LPGAT1: variants seen among roughly 807,000 people sequenced by gnomAD.
LPGAT1 encodes the protein acyl-CoA:lysophosphatidylglycerol acyltransferase 1.
LPGAT1 carries 11 observed loss-of-function variants against 47.5 expected under a neutral mutation model. The observed-to-expected ratio is 0.23, with a 90% CI of 0.15 to 0.38. LPGAT1 has a LOEUF of 0.38. Ranked by LOEUF, LPGAT1 falls within the 10% of genes least tolerant of loss-of-function variation. The pLI is 1.00. For missense variants in LPGAT1, 293 were observed against 439.0 expected (o/e 0.67, Z 2.97); for synonymous variants, 138 against 144.2 (o/e 0.96, Z 0.31).
chr1:211,778,881 G>C (rs761908898), intron 6 of LPGAT1, 37 bp downstream of exon 6: 4 of 1,474,296 alleles, frequency 2.7e-6, no homozygotes, highest in Non-Finnish European at 3.6e-6. Context: ...AGGTAGTATT[G>C]TTGGATATAT....
At chr1:211,757,591 T>G (rs1657517052) in intron 6 of LPGAT1, among the ~76,000 whole-genome samples, 1 of 152,190 alleles carries the variant, frequency 6.6e-6, no homozygotes, top group African/African-American at 2.4e-5. Context: ...GCAGGTGTCA[T>G]GGGTTTAGCA....
intron 2 of LPGAT1, among the ~76,000 whole-genome samples, chr1:211,806,063 C>G (rs1659745707): frequency 6.6e-6 from 1 of 151,992 alleles, no homozygotes; most frequent in African/African-American, 2.4e-5. Flanking sequence ...AGTTCGAGAC[C>G]AGCCTGGCCA....
chr1:211,814,146 T>C (rs193168175), intron 2 of LPGAT1, among the ~76,000 whole-genome samples: 1 of 152,332 alleles, frequency 6.6e-6, no homozygotes, highest in East Asian at 1.9e-4. Flanking sequence ...CATTAGCACA[T>C]ATTTACAAGA....
rs1474558907 is a variant in LPGAT1, at chr1:211,829,282, C to T, written c.15G>A (p.Leu5=). 6.2e-7 allele frequency: 1 copy of T among 1,614,158 alleles called. No homozygotes were observed. The highest frequency in any genetic ancestry group is 8.5e-7 in the Non-Finnish European group (1 of 1,180,028). The change falls in exon 2 of 8, where the codon TTG becomes TTA. Residue 5 remains leucine (L), a synonymous_variant. Transcript: ENST00000366997. ...GCCAGCCCAGCCACGGAGCTTCTTC[C>T]AAAGTTATAGCCATTCTCACACTGG... MAIT[L]EEAPWLGWLL...
At position 211,744,454 on chromosome 1, in the gene LPGAT1, T is replaced by G. The variant is rs1656862656; in HGVS notation, c.*5445A>C. 1 of 152,174 alleles carries G rather than the reference T, an allele frequency of 6.6e-6. No homozygotes were observed. The highest frequency in any genetic ancestry group is 1.5e-5 in the Non-Finnish European group (1 of 68,018). 9.4% of individuals were successfully genotyped at this position (152,174 alleles called of 1,614,324 possible). On this transcript the variant is annotated 3_prime_UTR_variant, in exon 8 of 8. Transcript: ENST00000366997. ...CGTATCAGATTGAATGATAATAAAT[T>G]TATTGGGAAATGAGTTAGATTTGGA...
At chr1:211,800,545 C>A (rs1371705492) in intron 2 of LPGAT1, among the ~76,000 whole-genome samples, 1 of 152,148 alleles carries the variant, frequency 6.6e-6, no homozygotes, top group African/African-American at 2.4e-5. Flanking sequence ...CTTTCACTGT[C>A]ATTAAGATTT....
At chr1:211,756,888 T>TTC (rs1657483367) in intron 6 of LPGAT1, among the ~76,000 whole-genome samples, 1 of 151,062 alleles carries the variant, frequency 6.6e-6, no homozygotes, top group African/African-American at 2.4e-5. Flanking sequence ...TTTTTTTTTT[T>TTC]CCACACATGG....
chr1:211,797,311 CTTTTTTTT>C lies in LPGAT1; in HGVS notation c.239-4129_239-4122del, dbSNP rs200601647. On this transcript the variant is annotated intron_variant, in intron 2 of 7. Coordinates refer to ENST00000366997, the MANE Select transcript of LPGAT1 (RefSeq NM_014873.3). ...CCTAGATCAACTTTTCTTTCCTTTTCTTTTTTTTTTTTTTTTTTTGAGTCAGGAACTCC... is the reference window on the plus strand; with the variant it reads ...CCTAGATCAACTTTTCTTTCCTTTTCTTTTTTTTTTTGAGTCAGGAACTCC... Among the ~76,000 whole-genome samples the C allele has an allele frequency of 3.3e-5, 4 of 122,634 alleles. No individual in the cohort carries two copies. The South Asian group carries it at 1.1e-3, about 32-fold the overall frequency. 80.5% of individuals were successfully genotyped at this position (122,634 alleles called of 152,430 possible). A position where few individuals can be genotyped will look rare whatever the true frequency, so the allele number is the denominator to read the frequency against.
At chr1:211,793,250 C>T (rs1367010377) in intron 2 of LPGAT1, 60 bp from the exon 3 acceptor site, 11 of 1,069,966 alleles carry the variant, frequency 1.0e-5, no homozygotes, top group Non-Finnish European at 1.1e-5. Context: ...TATCACAAAC[C>T]TTATATTAGA....
At chr1:211,769,325 C>T (rs765051874) in intron 6 of LPGAT1, among the ~76,000 whole-genome samples, 6 of 152,102 alleles carry the variant, frequency 3.9e-5, no homozygotes, top group African/African-American at 9.7e-5. Context: ...GAGCCATGGA[C>T]GACCCCAAGG....
intron 2 of LPGAT1, among the ~76,000 whole-genome samples, chr1:211,824,313 T>C (rs950230221): frequency 2.0e-5 from 3 of 152,098 alleles, no homozygotes; most frequent in Admixed American, 6.5e-5. Flanking sequence ...TGAGAATCAC[T>C]TGAACCTGAG....
intron 2 of LPGAT1, among the ~76,000 whole-genome samples, chr1:211,820,970 A>G (rs1345257487): frequency 6.6e-6 from 1 of 152,250 alleles, no homozygotes; most frequent in South Asian, 2.1e-4. Context: ...GACCAAGTCA[A>G]TAATAGGAAA....
intron 2 of LPGAT1, among the ~76,000 whole-genome samples, chr1:211,799,757 C>T (rs1244401706): frequency 6.6e-6 from 1 of 151,988 alleles, no homozygotes; most frequent in East Asian, 1.9e-4. Context: ...TCTAAAGGGG[C>T]AGGTATCTAA....
At chr1:211,817,736 A>G (rs1660225840) in intron 2 of LPGAT1, among the ~76,000 whole-genome samples, 1 of 152,202 alleles carries the variant, frequency 6.6e-6, no homozygotes, top group Admixed American at 6.5e-5. Flanking sequence ...TTGTGACCAC[A>G]GCTTTTGGTA....
At chr1:211,785,948 T>C (rs1658861359) in intron 4 of LPGAT1, among the ~76,000 whole-genome samples, 1 of 152,146 alleles carries the variant, frequency 6.6e-6, no homozygotes, top group Admixed American at 6.6e-5. Flanking sequence ...AATCAACTGT[T>C]ACACTACACT....
At chr1:211,801,736 A>G (rs71646127) in intron 2 of LPGAT1, among the ~76,000 whole-genome samples, 5 of 145,062 alleles carry the variant, frequency 3.4e-5, no homozygotes, top group African/African-American at 1.3e-4. Flanking sequence ...GGGGAGGGGA[A>G]GAGAGGGGAG....
chr1:211,814,225 T>G (rs1249201745), intron 2 of LPGAT1, among the ~76,000 whole-genome samples: 1 of 152,200 alleles, frequency 6.6e-6, no homozygotes, highest in Non-Finnish European at 1.5e-5. Context: ...GAGATAACTC[T>G]GAAGCACTGG....
chr1:211,776,982 T>C (rs1658430380), intron 6 of LPGAT1, among the ~76,000 whole-genome samples: 2 of 152,338 alleles, frequency 1.3e-5, no homozygotes, highest in Non-Finnish European at 2.9e-5. Context: ...ATTTATATTA[T>C]TAACATTTGT....
chr1:211,777,071 T>A (rs774569708), intron 6 of LPGAT1, among the ~76,000 whole-genome samples: 2 of 152,194 alleles, frequency 1.3e-5, no homozygotes, highest in Non-Finnish European at 2.9e-5. Context: ...TTTTAAAATA[T>A]AACCAAATGA....
Sources: gnomAD v4.1 joint callset for allele counts (sites outside exome capture counted in the v4.1 genomes callset) on GRCh38, gnomAD v4.1.1 for gene constraint, MANE v1.5 for transcripts, NCBI Gene and HGNC (gene_info 2026-07-23, HGNC 2026-07-21) for gene names.